The following DPP10 variants were observed in gnomAD, a reference collection of about 807,000 sequenced individuals.
The protein encoded by DPP10 is dipeptidyl peptidase like 10.
DPP10 carries 33 observed loss-of-function variants against 120.9 expected under a neutral mutation model. The observed-to-expected ratio is 0.27, with a 90% CI of 0.21 to 0.37. DPP10 has a LOEUF of 0.37. DPP10 is among the 10% of genes least tolerant of loss of function. The pLI, the probability that DPP10 is intolerant of heterozygous loss-of-function variation, is 1.00. For synonymous variants in DPP10, 337 were observed against 326.1 expected, an observed-to-expected ratio of 1.03 and a Z score of -0.36; for missense variants, 816 against 942.8, an observed-to-expected ratio of 0.87 and a Z score of 1.76.
intron 3 of DPP10, among the ~76,000 whole-genome samples, chr2:115,441,512 A>G (rs867657121): frequency 1.3e-5 from 2 of 152,170 alleles, no homozygotes; most frequent in African/African-American, 2.4e-5. Flanking sequence ...ACTTCTGCCT[A>G]TTCATATTTA....
At chr2:115,376,425 G>A (rs1018999698) in intron 3 of DPP10, among the ~76,000 whole-genome samples, 1 of 152,096 alleles carries the variant, frequency 6.6e-6, no homozygotes, top group African/African-American at 2.4e-5. Flanking sequence ...TTACCAAGTG[G>A]AGGGATAATC....
At chr2:115,535,114 T>G (rs1276371311) in intron 5 of DPP10, among the ~76,000 whole-genome samples, 1 of 152,034 alleles carries the variant, frequency 6.6e-6, no homozygotes, top group African/African-American at 2.4e-5. Context: ...CTCTTTACTT[T>G]AATTAGATCC....
chr2:115,533,629 G>A (rs1307994842), intron 5 of DPP10, among the ~76,000 whole-genome samples: 2 of 151,956 alleles, frequency 1.3e-5, no homozygotes, highest in South Asian at 2.1e-4. Context: ...AAAAATTCTG[G>A]GGGAGTACAT....
intron 9 of DPP10, 62 bp from the exon 10 acceptor site, chr2:115,746,023 CT>C: frequency 8.3e-7 from 1 of 1,199,326 alleles, no homozygotes; most frequent in Non-Finnish European, 1.2e-6. Context: ...AAATCCTTTT[CT>C]TTTTTACCCA....
intron 1 of DPP10, among the ~76,000 whole-genome samples, chr2:114,995,797 C>T (rs1254544336): frequency 6.6e-6 from 1 of 152,172 alleles, no homozygotes; most frequent in African/African-American, 2.4e-5. Context: ...GCAAGTTCAA[C>T]ATAAACTGCA....
intron 1 of DPP10, among the ~76,000 whole-genome samples, chr2:115,219,004 C>G (rs991769826): frequency 2.6e-5 from 4 of 152,024 alleles, no homozygotes; most frequent in Non-Finnish European, 5.9e-5. Flanking sequence ...TTATTACACC[C>G]TACAACTTTT....
At chr2:114,751,751 C>G (rs1679248088) in intron 1 of DPP10, among the ~76,000 whole-genome samples, 1 of 152,228 alleles carries the variant, frequency 6.6e-6, no homozygotes, top group African/African-American at 2.4e-5. Flanking sequence ...TCCAGCCTCA[C>G]TCTCCAAATT....
Position 115,112,917 on chromosome 2 carries a change from C to T in DPP10, c.61-196322C>T, listed in dbSNP as rs937335926. Among the ~76,000 whole-genome samples the T allele has an allele frequency of 2.6e-5, 4 of 152,222 alleles. No homozygotes were observed. The East Asian group carries it at 5.8e-4, about 22-fold the overall frequency. On this transcript the variant is annotated intron_variant, in intron 1 of 25. Coordinates refer to ENST00000410059, the MANE Select transcript of DPP10 (RefSeq NM_020868.6). ...CTCTGCTTTAGTCAGCCATATGCTT[C>T]CCCATTCTGGTATTTTCGTTCACAT...
chr2:114,552,843 G>T (rs1004848631), intron 1 of DPP10, among the ~76,000 whole-genome samples: 1 of 152,154 alleles, frequency 6.6e-6, no homozygotes, highest in Non-Finnish European at 1.5e-5. Context: ...ACTGCACCTT[G>T]CCCATTATAC....
At chr2:114,894,179 C>T (rs1309159913) in intron 1 of DPP10, among the ~76,000 whole-genome samples, 2 of 152,110 alleles carry the variant, frequency 1.3e-5, no homozygotes, top group African/African-American at 2.4e-5. Flanking sequence ...TTAAGAAACA[C>T]ACATTAATAA....
chr2:115,639,719 ACCT>A (rs530234052), intron 5 of DPP10, among the ~76,000 whole-genome samples: 43 of 152,158 alleles, frequency 2.8e-4, no homozygotes, highest in South Asian at 2.3e-3. Context: ...GATTTCTGAA[ACCT>A]CCTTGCAGAC....
At chr2:114,764,970 A>T (rs1376612401) in intron 1 of DPP10, among the ~76,000 whole-genome samples, 1 of 152,088 alleles carries the variant, frequency 6.6e-6, no homozygotes, top group Non-Finnish European at 1.5e-5. Context: ...TACATATGCC[A>T]CTCTGTGTAC....
chr2:115,317,767 T>A (rs1361264151), intron 2 of DPP10, among the ~76,000 whole-genome samples: 1 of 152,140 alleles, frequency 6.6e-6, no homozygotes, highest in Non-Finnish European at 1.5e-5. Context: ...TTTATATATC[T>A]TCTTTAAAGA....
chr2:114,907,536 A>G (rs991850933), intron 1 of DPP10, among the ~76,000 whole-genome samples: 8 of 152,064 alleles, frequency 5.3e-5, no homozygotes, highest in Non-Finnish European at 1.0e-4. Context: ...CTAACTTCCT[A>G]TCTGTGAGCA....
chr2:115,388,275 A>G (rs2067092004), intron 3 of DPP10, among the ~76,000 whole-genome samples: 1 of 152,228 alleles, frequency 6.6e-6, no homozygotes, highest in Non-Finnish European at 1.5e-5. Context: ...GATAGGTGCC[A>G]TGTTATTTAA....
chr2:114,927,043 G>T (rs908266492), intron 1 of DPP10, among the ~76,000 whole-genome samples: 1 of 151,828 alleles, frequency 6.6e-6, no homozygotes, highest in South Asian at 2.1e-4. Flanking sequence ...TAGAGATGGG[G>T]TTTCACTGTG....
At chr2:115,681,382 G>T (rs10186363) in intron 5 of DPP10, among the ~76,000 whole-genome samples, 1 of 151,482 alleles carries the variant, frequency 6.6e-6, no homozygotes, top group African/African-American at 2.4e-5. Context: ...TTTAACACAG[G>T]TATGTTAATT....
chr2:114,668,179 T>C (rs981186651), intron 1 of DPP10, among the ~76,000 whole-genome samples: 3 of 152,084 alleles, frequency 2.0e-5, no homozygotes, highest in Admixed American at 6.6e-5. Flanking sequence ...ATCTACAAGC[T>C]GAAGAAACAG....
Position 115,099,012 on chromosome 2 carries a change from C to T in DPP10, c.61-210227C>T, listed in dbSNP as rs1252593572. Among the ~76,000 whole-genome samples the T allele has an allele frequency of 2.0e-5, 3 of 151,496 alleles. No homozygotes were observed. The Admixed American group carries it at 2.0e-4, about 10-fold the overall frequency. On this transcript the variant is annotated intron_variant, in intron 1 of 25. Transcript: ENST00000410059. ...AGAATCACCAGGTTTAGGCCAGGCA[C>T]AGTGGCTCATGCCTGTAATCCTAGC...
Sources: gnomAD v4.1 joint callset for allele counts (sites outside exome capture counted in the v4.1 genomes callset) on GRCh38, gnomAD v4.1.1 for gene constraint, MANE v1.5 for transcripts, NCBI Gene and HGNC (gene_info 2026-07-23, HGNC 2026-07-21) for gene names.